The following HEATR6 variants were observed in gnomAD, a reference collection of about 807,000 sequenced individuals.
HEATR6 encodes HEAT repeat-containing protein 6.
Under a neutral mutation model 132.8 loss-of-function variants are expected in HEATR6, and 106 were observed. That is an observed-to-expected ratio of 0.80 (90% CI 0.68 to 0.94). HEATR6 has a LOEUF of 0.94. HEATR6 is among the 40% of genes least tolerant of loss of function. The pLI, the probability that HEATR6 is intolerant of heterozygous loss-of-function variation, is 0.00. For synonymous variants in HEATR6, 529 were observed against 537.8 expected (o/e 0.98, Z 0.23); for missense variants, 1,339 against 1,425.1 (o/e 0.94, Z 0.97).
rs570680493 is a variant in HEATR6 at position 60,069,928 on chromosome 17, G to A, written c.802-80C>T. 2.6e-6 allele frequency: 4 copies of A among 1,522,122 alleles called. No homozygotes were observed. In the South Asian group the frequency reaches 4.8e-5, roughly 18 times the overall value. 94.3% of individuals were successfully genotyped at this position (1,522,122 alleles called of 1,614,324 possible). A position where few individuals can be genotyped will look rare whatever the true frequency, so the allele number is the denominator to read the frequency against. The stretch of plus-strand genomic sequence containing the variant: ...ATCATAAACCATTAATCATAAAATA[G>A]AACTATTTACCATGTCTGGATCACA... On this transcript the variant is annotated intron_variant, in intron 6 of 19. Coordinates refer to ENST00000184956, the MANE Select transcript of HEATR6 (RefSeq NM_022070.5).
At position 60,057,101 on chromosome 17, in the gene HEATR6, A is replaced by C; in HGVS notation, c.2026T>G (p.Ser676Ala). 1 of 1,613,868 alleles carries C rather than the reference A, an allele frequency of 6.2e-7. No individual in the cohort carries two copies. The highest frequency in any genetic ancestry group is 8.5e-7 in the Non-Finnish European group (1 of 1,179,838). The change falls in exon 12 of 20, where the codon TCT becomes GCT. Residue 676 changes from serine to alanine, a missense_variant. Ser to Ala is a moderately conservative substitution (Grantham distance 99). Coordinates refer to ENST00000184956, the MANE Select transcript of HEATR6 (RefSeq NM_022070.5). ...EDSCSGSDAG[S>A]AAGSTYEPSP... is the part of the protein sequence containing the mutation. ...GGTTCGTAGGTGCTTCCTGCTGCAG[A>C]GCCAGCATCGCTACCTGAACAGGAA...
rs764589896 is a variant in HEATR6, at chr17:60,050,908, T to C, written c.2359A>G (p.Thr787Ala). The C allele has an allele frequency of 2.5e-6, 4 of 1,614,014 alleles. No individual in the cohort carries two copies. The highest frequency in any genetic ancestry group is 1.1e-5 in the South Asian group (1 of 91,056). The change falls in exon 15 of 20, where the codon ACT becomes GCT. Residue 787 changes from threonine (T) to alanine (A), a missense_variant. Transcript: ENST00000184956. ...PRALQNSEHPTLQASACDALS... is the reference protein window; with the variant it reads ...PRALQNSEHPALQASACDALS... Reference sequence around the variant, plus strand: ...GCATCACAGGCGCTCGCCTGGAGAGTTGGGTGTTCTGAATTCTGCAGGGCT... The same window carrying C: ...GCATCACAGGCGCTCGCCTGGAGAGCTGGGTGTTCTGAATTCTGCAGGGCT...
At chr17:60,067,209 G>C (rs921758468) in intron 8 of HEATR6, among the ~76,000 whole-genome samples, 3 of 147,020 alleles carry the variant, frequency 2.0e-5, no homozygotes, top group African/African-American at 5.1e-5. Context: ...GGCGGAGCTT[G>C]CAGTGAGCCG....
intron 7 of HEATR6, 48 bp downstream of exon 7, chr17:60,069,663 T>C (rs777427582): frequency 6.4e-7 from 1 of 1,557,976 alleles, no homozygotes; most frequent in South Asian, 1.1e-5. Flanking sequence ...CACACAACAA[T>C]CTATTAAAAA....
chr17:60,055,710 G>T (rs150615144), intron 13 of HEATR6, 109 bp from the exon 14 acceptor site: 3 of 638,906 alleles, frequency 4.7e-6, no homozygotes, highest in Admixed American at 3.2e-5. Context: ...ACCTCCACTC[G>T]AGTAACACCT....
chr17:60,048,205 C>T, intron 17 of HEATR6, 59 bp downstream of exon 17: 2 of 1,557,420 alleles, frequency 1.3e-6, no homozygotes, highest in Non-Finnish European at 1.8e-6. Flanking sequence ...AGATCGAGGA[C>T]ATTCTCTTGG....
intron 19 of HEATR6, among the ~76,000 whole-genome samples, chr17:60,045,321 C>T (rs572223889): frequency 1.3e-5 from 2 of 152,334 alleles, no homozygotes; most frequent in South Asian, 4.1e-4. Context: ...TGTGTGCTCT[C>T]CTCTCCAGGA....
In HEATR6 at chr17:60,044,019, T is replaced by C. The variant is rs1389718048; in HGVS notation, c.3090A>G (p.Arg1030=). 6.2e-7 allele frequency: 1 copy of C among 1,614,126 alleles called. No individual in the cohort carries two copies. Among genetic ancestry groups the C allele is most frequent in the South Asian group, 1.1e-5 (1 of 91,082 alleles). ...SAAALSVPGK[R]EQYGSVDQYA... The stretch of plus-strand genomic sequence containing the variant: ...ACTGGTCAACAGACCCGTACTGCTC[T>C]CTCTTCCCCGGGACGGAAAGGGCAG... The change falls in exon 20 of 20, where the codon AGA becomes AGG. Residue 1030 remains arginine (R), a synonymous_variant. Coordinates refer to ENST00000184956, the MANE Select transcript of HEATR6 (RefSeq NM_022070.5).
intron 14 of HEATR6, among the ~76,000 whole-genome samples, chr17:60,055,058 A>G (rs942962046): frequency 6.6e-6 from 1 of 152,120 alleles, no homozygotes; most frequent in Non-Finnish European, 1.5e-5. Context: ...CTATGAGCTC[A>G]TACGAGAGCT....
Position 60,044,088 on chromosome 17 carries a change from G to A in HEATR6, c.3021C>T (p.Val1007=), listed in dbSNP as rs376151675. The change falls in exon 20 of 20, where the codon GTC becomes GTT. Residue 1007 remains valine (V), a synonymous_variant. Transcript: ENST00000184956. ...TSQAYNALTS[V]VTSCKNFKVR... is the part of the protein sequence containing the mutation. The stretch of plus-strand genomic sequence containing the variant: ...CTTTGAAGTTCTTGCATGATGTCAC[G>A]ACCGATGTCAGGGCATTGTAGGCCT... 53 of 1,613,648 alleles carry A rather than the reference G, an allele frequency of 3.3e-5. 1 individual carries two copies. Among genetic ancestry groups the A allele is most frequent in the Middle Eastern group, 1.6e-4 (1 of 6,084 alleles).
intron 19 of HEATR6, among the ~76,000 whole-genome samples, chr17:60,045,746 ATTAT>A (rs1164685584): frequency 6.6e-6 from 1 of 152,234 alleles, no homozygotes. Context: ...TTCTGTAGAA[ATTAT>A]TTAATACCTG....
chr17:60,062,736 T>C (rs1488441328), intron 9 of HEATR6, among the ~76,000 whole-genome samples: 1 of 152,170 alleles, frequency 6.6e-6, no homozygotes, highest in Non-Finnish European at 1.5e-5. Flanking sequence ...GGTATCTAAG[T>C]GATATGGTTT....
intron 3 of HEATR6, among the ~76,000 whole-genome samples, 175 bp downstream of exon 3, chr17:60,073,571 C>T (rs1331710739): frequency 6.6e-6 from 1 of 152,072 alleles, no homozygotes; most frequent in Non-Finnish European, 1.5e-5. Flanking sequence ...GAACTTGACA[C>T]GTATTGTCTC....
intron 3 of HEATR6, 112 bp downstream of exon 3, chr17:60,073,634 G>C (rs2083281243): frequency 9.7e-7 from 1 of 1,034,978 alleles, no homozygotes; most frequent in Admixed American, 2.3e-5. Flanking sequence ...GCCCAGAGTG[G>C]TTGAATAAGA....
chr17:60,061,921 C>T lies in HEATR6; in HGVS notation c.1417-1825G>A, dbSNP rs61204179. On this transcript the variant is annotated intron_variant, in intron 9 of 19. Coordinates refer to ENST00000184956, the MANE Select transcript of HEATR6 (RefSeq NM_022070.5). Reference sequence around the variant, plus strand: ...TCACAAACTGAATGAAATTAAAAATCGAATGGAAAGAAATGAACTAATGTT... The same window carrying T: ...TCACAAACTGAATGAAATTAAAAATTGAATGGAAAGAAATGAACTAATGTT... Among the ~76,000 whole-genome samples the T allele has an allele frequency of 1.5e-3, 226 of 152,254 alleles. 12 individuals carry two copies. In the East Asian group the frequency reaches 0.039, roughly 26 times the overall value.
intron 1 of HEATR6, among the ~76,000 whole-genome samples, chr17:60,077,119 G>C: frequency 6.6e-6 from 1 of 152,114 alleles, no homozygotes; most frequent in East Asian, 1.9e-4. Context: ...AAACTAGTGA[G>C]AGAGAAAGAA....
At chr17:60,071,171 C>T (rs2083268271) in intron 5 of HEATR6, among the ~76,000 whole-genome samples, 2 of 152,026 alleles carry the variant, frequency 1.3e-5, no homozygotes, top group South Asian at 2.1e-4. Flanking sequence ...TATGGCAAAC[C>T]CAGCCCTCTT....
At chr17:60,062,759 A>G (rs1267712820) in intron 9 of HEATR6, among the ~76,000 whole-genome samples, 1 of 152,130 alleles carries the variant, frequency 6.6e-6, no homozygotes, top group African/African-American at 2.4e-5. Flanking sequence ...CTGTGTCCCC[A>G]CCCAAATCTC....
At position 60,056,972 on chromosome 17, in the gene HEATR6, C is replaced by G. The variant is rs116755307; in HGVS notation, c.2079+76G>C. The G allele has an allele frequency of 2.4e-3, 2,665 of 1,119,378 alleles. 33 individuals carry two copies. In the African/African-American group the frequency reaches 0.028, roughly 12 times the overall value. The allele number at this position is 1,119,378 out of a possible 1,614,324, so 69.3% of individuals were successfully genotyped here. ...CAATTGACATATGGCTTGGTTTTACCTGCTCGCTCCTCACAGTCACTCTGA... is the reference window on the plus strand; with the variant it reads ...CAATTGACATATGGCTTGGTTTTACGTGCTCGCTCCTCACAGTCACTCTGA... On this transcript the variant is annotated intron_variant, in intron 12 of 19. Transcript: ENST00000184956.
Sources: allele counts gnomAD v4.1 joint callset (sites outside exome capture counted in the v4.1 genomes callset), GRCh38; gene constraint gnomAD v4.1.1; transcripts MANE v1.5; gene names NCBI Gene and HGNC (gene_info 2026-07-23, HGNC 2026-07-21).